Variants in DCC observed in about 807,000 individuals in gnomAD.
DCC encodes the protein netrin receptor DCC.
Under a neutral mutation model 172.5 loss-of-function variants are expected in DCC, and 58 were observed. That is an observed-to-expected ratio of 0.34 (90% CI 0.27 to 0.42). DCC has a LOEUF of 0.42. Ranked by LOEUF, DCC falls within the 10% of genes least tolerant of loss-of-function variation. The probability of loss-of-function intolerance (pLI) is 1.00; values close to 1 mark genes in which losing one functional copy is unlikely to be tolerated. For synonymous variants in DCC, 709 were observed against 644.5 expected (o/e 1.10, Z -1.52); for missense variants, 1,740 against 1,791.0 (o/e 0.97, Z 0.51).
intron 1 of DCC, among the ~76,000 whole-genome samples, chr18:52,342,178 C>T (rs562516089): frequency 1.3e-5 from 2 of 152,202 alleles, no homozygotes; most frequent in African/African-American, 4.8e-5. Flanking sequence ...AAGCCTCGCT[C>T]GGCCGCACGC....
At chr18:53,080,280 C>A (rs1167284033) in intron 7 of DCC, among the ~76,000 whole-genome samples, 1 of 152,018 alleles carries the variant, frequency 6.6e-6, no homozygotes, top group Non-Finnish European at 1.5e-5. Flanking sequence ...AAAGCCATCA[C>A]TTAAGAAAGA....
At position 52,780,909 on chromosome 18, in the gene DCC, G is replaced by A. The variant is rs144285703; in HGVS notation, c.412+28535G>A. Reference sequence around the variant, plus strand: ...AAGTCTTAGGTGGTGAAAAGATTGGGATTGTAAGAGTGGAAAGATATGATT... The same window carrying A: ...AAGTCTTAGGTGGTGAAAAGATTGGAATTGTAAGAGTGGAAAGATATGATT... On this transcript the variant is annotated intron_variant, in intron 2 of 28. Transcript: ENST00000442544. Among the ~76,000 whole-genome samples, 646 of 152,282 alleles carry A rather than the reference G, an allele frequency of 4.2e-3. 5 individuals are homozygous for A. Among genetic ancestry groups the A allele is most frequent in the African/African-American group, 0.015 (622 of 41,550 alleles).
intron 1 of DCC, among the ~76,000 whole-genome samples, chr18:52,737,172 A>T (rs929443675): frequency 6.6e-6 from 1 of 152,108 alleles, no homozygotes; most frequent in African/African-American, 2.4e-5. Flanking sequence ...ATTAGAGACG[A>T]CGTGAAAGGA....
intron 1 of DCC, among the ~76,000 whole-genome samples, chr18:52,506,987 C>T (rs986280016): frequency 1.3e-5 from 2 of 151,842 alleles, no homozygotes; most frequent in African/African-American, 4.8e-5. Flanking sequence ...AAAAGTGAAC[C>T]TTAAAAAAGT....
intron 2 of DCC, among the ~76,000 whole-genome samples, chr18:52,871,999 T>G (rs1299820868): frequency 6.6e-6 from 1 of 152,208 alleles, no homozygotes; most frequent in Non-Finnish European, 1.5e-5. Context: ...TTTGGTATCA[T>G]GCTCATAGTG....
intron 1 of DCC, among the ~76,000 whole-genome samples, chr18:52,675,441 A>G (rs144985095): frequency 6.6e-6 from 1 of 152,166 alleles, no homozygotes; most frequent in Non-Finnish European, 1.5e-5. Context: ...CCCCACACCA[A>G]CTTCAAGTTG....
At chr18:52,811,112 A>AT (rs1284386663) in intron 2 of DCC, among the ~76,000 whole-genome samples, 2 of 152,204 alleles carry the variant, frequency 1.3e-5, no homozygotes, top group Non-Finnish European at 2.9e-5. Flanking sequence ...CAAAAAAGAT[A>AT]TGTTTGCTTA....
intron 15 of DCC, among the ~76,000 whole-genome samples, chr18:53,348,165 A>C (rs1343364778): frequency 6.6e-6 from 1 of 152,178 alleles, no homozygotes; most frequent in African/African-American, 2.4e-5. Context: ...CTGTAAAATC[A>C]AAACCAAGTT....
At chr18:52,571,943 T>G (rs1381244498) in intron 1 of DCC, among the ~76,000 whole-genome samples, 1 of 152,178 alleles carries the variant, frequency 6.6e-6, no homozygotes, top group African/African-American at 2.4e-5. Flanking sequence ...TGCTGAGTGG[T>G]CAATCTAATG....
intron 15 of DCC, among the ~76,000 whole-genome samples, chr18:53,375,057 T>G (rs1264784996): frequency 2.0e-5 from 3 of 152,194 alleles, no homozygotes; most frequent in Non-Finnish European, 2.9e-5. Flanking sequence ...TGCTACTTAA[T>G]GAGCTCTGTT....
At chr18:53,253,277 A>G (rs7237450) in intron 12 of DCC, among the ~76,000 whole-genome samples, 7,912 of 152,046 alleles carry the variant, frequency 0.052, 711 homozygotes, top group African/African-American at 0.18. Flanking sequence ...ATATTTATTA[A>G]AAGCTTATTT....
At chr18:52,782,136 A>T (rs961632380) in intron 2 of DCC, among the ~76,000 whole-genome samples, 2 of 152,176 alleles carry the variant, frequency 1.3e-5, no homozygotes, top group African/African-American at 4.8e-5. Flanking sequence ...CTAAGCACAA[A>T]GGTGCTTCCT....
intron 1 of DCC, among the ~76,000 whole-genome samples, chr18:52,728,675 T>C (rs1469339766): frequency 6.6e-6 from 1 of 152,240 alleles, no homozygotes; most frequent in Non-Finnish European, 1.5e-5. Flanking sequence ...GCCTCTGTTA[T>C]GTCATTTTAT....
At chr18:52,986,800 C>T (rs532281114) in intron 5 of DCC, among the ~76,000 whole-genome samples, 24 of 151,096 alleles carry the variant, frequency 1.6e-4, no homozygotes, top group Non-Finnish European at 2.4e-4. Flanking sequence ...TATACACACA[C>T]GTGTAGTATA....
At chr18:53,509,990 T>A (rs776586400) in intron 27 of DCC, among the ~76,000 whole-genome samples, 1 of 152,198 alleles carries the variant, frequency 6.6e-6, no homozygotes. Flanking sequence ...TTAGTTAAAT[T>A]AGTATTTATA....
At chr18:53,052,560 T>C (rs2042347641) in intron 5 of DCC, among the ~76,000 whole-genome samples, 1 of 152,242 alleles carries the variant, frequency 6.6e-6, no homozygotes, top group East Asian at 1.9e-4. Flanking sequence ...GTCATCCTTC[T>C]TGGGATCCCT....
At chr18:53,509,583 C>G (rs1410118022) in intron 27 of DCC, among the ~76,000 whole-genome samples, 1 of 152,082 alleles carries the variant, frequency 6.6e-6, no homozygotes, top group Admixed American at 6.5e-5. Context: ...ATGCTCTTAA[C>G]CTGGGGTTCA....
chr18:53,320,937 T>C (rs1247484647), intron 13 of DCC, among the ~76,000 whole-genome samples: 3 of 152,226 alleles, frequency 2.0e-5, no homozygotes, highest in East Asian at 1.9e-4. Flanking sequence ...ATAGATATTA[T>C]GTAGGTGAAT....
At chr18:53,412,341 G>T (rs781239762) in intron 20 of DCC, among the ~76,000 whole-genome samples, 1 of 152,060 alleles carries the variant, frequency 6.6e-6, no homozygotes, top group Non-Finnish European at 1.5e-5. Flanking sequence ...AAATTACTCA[G>T]AAATATTGAT....
Sources: gnomAD v4.1 joint callset for allele counts (sites outside exome capture counted in the v4.1 genomes callset) on GRCh38, gnomAD v4.1.1 for gene constraint, MANE v1.5 for transcripts, NCBI Gene and HGNC (gene_info 2026-07-23, HGNC 2026-07-21) for gene names.